HS3ST4: variants seen among roughly 807,000 people sequenced by gnomAD.
The protein encoded by HS3ST4 is heparan sulfate glucosamine 3-O-sulfotransferase 4.
In HS3ST4, 17 loss-of-function variants were observed where a neutral mutation model predicts 29.2. The observed-to-expected ratio is 0.58, with a 90% CI of 0.40 to 0.87. The LOEUF (loss-of-function observed/expected upper bound fraction) is 0.87. Among genes scored for constraint, HS3ST4 ranks in the 40% least tolerant of loss-of-function variants. The probability of loss-of-function intolerance (pLI) is 0.00; values close to 1 mark genes in which losing one functional copy is unlikely to be tolerated. For missense variants in HS3ST4, 627 were observed against 634.5 expected, an observed-to-expected ratio of 0.99 and a Z score of 0.13; for synonymous variants, 314 against 285.7, an observed-to-expected ratio of 1.10 and a Z score of -1.00.
At chr16:25,929,678 C>T (rs184516511) in intron 1 of HS3ST4, among the ~76,000 whole-genome samples, 9 of 152,078 alleles carry the variant, frequency 5.9e-5, no homozygotes, top group Admixed American at 2.0e-4. Flanking sequence ...TCAAGGGCTT[C>T]GCACAGGTGA....
intron 1 of HS3ST4, among the ~76,000 whole-genome samples, chr16:25,802,539 T>C (rs1157199827): frequency 6.6e-6 from 1 of 152,192 alleles, no homozygotes; most frequent in African/African-American, 2.4e-5. Flanking sequence ...TTCCTTGTCA[T>C]TCTTTTTCAA....
intron 1 of HS3ST4, among the ~76,000 whole-genome samples, chr16:25,700,758 T>C (rs539339244): frequency 1.3e-5 from 2 of 152,314 alleles, no homozygotes; most frequent in African/African-American, 4.8e-5. Flanking sequence ...GGAATTGCGT[T>C]CTGAAATTAT....
At chr16:25,718,212 GGGTTTTT>G (rs1966470692) in intron 1 of HS3ST4, among the ~76,000 whole-genome samples, 1 of 152,186 alleles carries the variant, frequency 6.6e-6, no homozygotes, top group Non-Finnish European at 1.5e-5. Flanking sequence ...TCCAGTCATA[GGGTTTTT>G]GGTTACATTT....
intron 1 of HS3ST4, among the ~76,000 whole-genome samples, chr16:25,812,852 C>A (rs1567245308): frequency 6.6e-6 from 1 of 152,130 alleles, no homozygotes; most frequent in Non-Finnish European, 1.5e-5. Context: ...TAGGTGTGCA[C>A]CACCTTGCCC....
intron 1 of HS3ST4, among the ~76,000 whole-genome samples, chr16:25,726,102 G>A (rs1013115371): frequency 6.6e-5 from 10 of 152,116 alleles, no homozygotes; most frequent in African/African-American, 1.7e-4. Context: ...CACTAAATTG[G>A]TTTCCTGACT....
chr16:26,033,177 G>A lies in HS3ST4; in HGVS notation c.735-102435G>A, dbSNP rs145214743. Among the ~76,000 whole-genome samples the A allele has an allele frequency of 9.2e-3, 1,399 of 152,146 alleles. 19 individuals carry two copies. Among genetic ancestry groups the A allele is most frequent in the African/African-American group, 0.032 (1,324 of 41,522 alleles). On this transcript the variant is annotated intron_variant, in intron 1 of 1. Transcript: ENST00000331351. ...GAGGACTGCTTGAGCTCAGGAGTTCGAGACCAGCCTGGGCAACATAGCACA... is the reference window on the plus strand; with the variant it reads ...GAGGACTGCTTGAGCTCAGGAGTTCAAGACCAGCCTGGGCAACATAGCACA...
rs1181807839 is a variant in HS3ST4 at position 26,135,603 on chromosome 16, C to G, written c.735-9C>G. ...TAACCATTCTCTTCCTTTTTCCTCC[C>G]TCTCCTAGAAATGTGATGCCCAAGA... On this transcript the variant is annotated splice_polypyrimidine_tract_variant and intron_variant, in intron 1 of 1. Transcript: ENST00000331351. 11 of 1,565,832 alleles carry G rather than the reference C, an allele frequency of 7.0e-6. No homozygotes were observed. Among genetic ancestry groups the G allele is most frequent in the East Asian group, 2.2e-5 (1 of 44,484 alleles).
At chr16:26,053,610 C>T (rs1432366647) in intron 1 of HS3ST4, among the ~76,000 whole-genome samples, 1 of 152,126 alleles carries the variant, frequency 6.6e-6, no homozygotes, top group Non-Finnish European at 1.5e-5. Context: ...TGGTTTGGGA[C>T]TTTCATGTAT....
At chr16:25,834,065 T>A (rs973433875) in intron 1 of HS3ST4, among the ~76,000 whole-genome samples, 2 of 152,044 alleles carry the variant, frequency 1.3e-5, no homozygotes, top group Non-Finnish European at 2.9e-5. Context: ...CATGCGAAAA[T>A]CAAAATGGGA....
intron 1 of HS3ST4, among the ~76,000 whole-genome samples, chr16:26,078,384 G>A (rs773788447): frequency 9.2e-5 from 14 of 152,158 alleles, no homozygotes; most frequent in Non-Finnish European, 1.6e-4. Context: ...TCCTGACTTC[G>A]TGATTCAGCC....
chr16:26,104,264 A>G (rs1217165995), intron 1 of HS3ST4, among the ~76,000 whole-genome samples: 1 of 152,204 alleles, frequency 6.6e-6, no homozygotes. Context: ...GAAGCTTGGG[A>G]ATCCAGCCCC....
intron 1 of HS3ST4, among the ~76,000 whole-genome samples, chr16:26,052,389 G>C (rs2141766297): frequency 6.6e-6 from 1 of 152,038 alleles, no homozygotes; most frequent in South Asian, 2.1e-4. Flanking sequence ...ATTTTCTTTT[G>C]CAACAGAGTC....
At chr16:26,135,524 G>T in intron 1 of HS3ST4, 88 bp from the exon 2 acceptor site, 1 of 1,301,482 alleles carries the variant, frequency 7.7e-7, no homozygotes, top group East Asian at 2.4e-5. Context: ...TCCAAACTAG[G>T]TTGTTTATAT....
chr16:25,816,699 A>C lies in HS3ST4; in HGVS notation c.734+123548A>C, dbSNP rs568976616. On this transcript the variant is annotated intron_variant, in intron 1 of 1. Coordinates refer to ENST00000331351, the MANE Select transcript of HS3ST4 (RefSeq NM_006040.3). ...GGTAATTTATAAATAAAAGGAATTT[A>C]TCTCTTACAGTTACAGGCTTACAGG... is the stretch of plus-strand genomic sequence containing the variant. Among the ~76,000 whole-genome samples, 6 of 152,264 alleles carry C rather than the reference A, an allele frequency of 3.9e-5. No individual in the cohort carries two copies. The East Asian group carries it at 1.2e-3, about 29-fold the overall frequency.
intron 1 of HS3ST4, among the ~76,000 whole-genome samples, chr16:25,828,284 C>CTT (rs1403789752): frequency 2.2e-5 from 2 of 89,452 alleles, no homozygotes; most frequent in Non-Finnish European, 4.4e-5. Context: ...TTCTTTCTTT[C>CTT]TTTCTTTCTT....
chr16:26,103,505 G>A (rs1027560070), intron 1 of HS3ST4, among the ~76,000 whole-genome samples: 2 of 152,058 alleles, frequency 1.3e-5, no homozygotes, highest in Non-Finnish European at 2.9e-5. Flanking sequence ...TCACAAGAGC[G>A]TTACCCTGGC....
At chr16:25,987,367 T>G (rs1408447121) in intron 1 of HS3ST4, among the ~76,000 whole-genome samples, 1 of 151,546 alleles carries the variant, frequency 6.6e-6, no homozygotes, top group Non-Finnish European at 1.5e-5. Flanking sequence ...AAAAAAGCAA[T>G]ACTTCTAATA....
In HS3ST4 at chr16:25,696,496, G is replaced by GT. The variant is rs1397752173; in HGVS notation, c.734+3348dup. Among the ~76,000 whole-genome samples the GT allele has an allele frequency of 5.0e-4, 56 of 111,594 alleles. No homozygotes were observed. In the East Asian group the frequency reaches 0.01, roughly 20 times the overall value. 73.2% of individuals were successfully genotyped at this position (111,594 alleles called of 152,430 possible). A position where few individuals can be genotyped will look rare whatever the true frequency, so the allele number is the denominator to read the frequency against. ...AATGGGAAGTGATTGTCCATGGTTT[G>GT]TTTGTTTTTTTTTTTCTTTTGAGAT... On this transcript the variant is annotated intron_variant, in intron 1 of 1. Coordinates refer to ENST00000331351, the MANE Select transcript of HS3ST4 (RefSeq NM_006040.3).
intron 1 of HS3ST4, among the ~76,000 whole-genome samples, chr16:26,075,415 C>T (rs535701229): frequency 3.0e-4 from 45 of 152,296 alleles, no homozygotes; most frequent in South Asian, 2.3e-3. Flanking sequence ...TGCTGTATTT[C>T]TAGCACTCAA....
Sources: gnomAD v4.1 joint callset for allele counts (sites outside exome capture counted in the v4.1 genomes callset) on GRCh38, gnomAD v4.1.1 for gene constraint, MANE v1.5 for transcripts, NCBI Gene and HGNC (gene_info 2026-07-23, HGNC 2026-07-21) for gene names.